The following STPG2 variants were observed in gnomAD, a reference collection of about 807,000 sequenced individuals.
The protein encoded by STPG2 is sperm tail PG-rich repeat containing 2, also known as sperm-tail PG-rich repeat-containing protein 2.
Under a neutral mutation model 54.2 loss-of-function variants are expected in STPG2, and 56 were observed. That is an observed-to-expected ratio of 1.03 (90% CI 0.83 to 1.29). The LOEUF (loss-of-function observed/expected upper bound fraction) is 1.29, where lower values mean the gene tolerates loss of function less well. STPG2 is among the 50% of genes most tolerant of loss of function. The pLI is 0.00. For synonymous variants in STPG2, 200 were observed against 181.8 expected (o/e 1.10, Z -0.81); for missense variants, 596 against 544.9 (o/e 1.09, Z -0.93).
chr4:97,818,229 G>T (rs975235157), intron 9 of STPG2, among the ~76,000 whole-genome samples: 14 of 151,846 alleles, frequency 9.2e-5, no homozygotes, highest in Non-Finnish European at 1.6e-4. Context: ...CCTATTTATA[G>T]TAGTCTGTTC....
At chr4:97,956,333 A>T (rs1560608706) in intron 7 of STPG2, among the ~76,000 whole-genome samples, 1 of 152,146 alleles carries the variant, frequency 6.6e-6, no homozygotes, top group Non-Finnish European at 1.5e-5. Context: ...AAAATATTTG[A>T]TTAATATTTT....
At chr4:97,846,623 C>CAAAAAAAAAAAAAAAAAAAAAAAAAAAAA in intron 8 of STPG2, among the ~76,000 whole-genome samples, 1 of 68,374 alleles carries the variant, frequency 1.5e-5, no homozygotes, top group Non-Finnish European at 2.9e-5. Context: ...GACTCCACCT[C>CAAAAAAAAAAAAAAAAAAAAAAAAAAAAA]AAAAAAAAAA....
chr4:97,472,523 C>CAGAT (rs1348369313), intron 4 of STPG2, among the ~76,000 whole-genome samples: 3 of 152,202 alleles, frequency 2.0e-5, no homozygotes, highest in Non-Finnish European at 2.9e-5. Flanking sequence ...AACCTGCACA[C>CAGAT]AGATGTTTAT....
At chr4:98,042,878 G>A (rs1441369828) in intron 5 of STPG2, among the ~76,000 whole-genome samples, 2 of 151,988 alleles carry the variant, frequency 1.3e-5, no homozygotes, top group Admixed American at 6.6e-5. Flanking sequence ...GATCTGTCTA[G>A]TGTTGTCAGT....
intron 4 of STPG2, among the ~76,000 whole-genome samples, chr4:97,478,427 C>T (rs1730130975): frequency 6.6e-6 from 1 of 152,074 alleles, no homozygotes; most frequent in Non-Finnish European, 1.5e-5. Flanking sequence ...AAAAGGACAG[C>T]AACTTGAAAT....
intron 5 of STPG2, among the ~76,000 whole-genome samples, chr4:98,027,364 C>T (rs1050610954): frequency 6.6e-6 from 1 of 152,112 alleles, no homozygotes; most frequent in Admixed American, 6.6e-5. Context: ...ATGCATTCAT[C>T]CCATCCTAAT....
chr4:97,870,629 T>A (rs1729949979), intron 8 of STPG2, among the ~76,000 whole-genome samples: 1 of 151,390 alleles, frequency 6.6e-6, no homozygotes, highest in African/African-American at 2.4e-5. Context: ...GATATAAAAC[T>A]ATGACTTCAT....
At chr4:97,611,513 AT>A (rs1446072868) in intron 10 of STPG2, among the ~76,000 whole-genome samples, 6 of 152,024 alleles carry the variant, frequency 3.9e-5, no homozygotes, top group African/African-American at 1.4e-4. Flanking sequence ...ATATTAAAAA[AT>A]ATATTACATT....
intron 9 of STPG2, among the ~76,000 whole-genome samples, chr4:97,800,126 A>T (rs1470977105): frequency 2.0e-5 from 3 of 152,136 alleles, no homozygotes; most frequent in Non-Finnish European, 4.4e-5. Flanking sequence ...GATGGATTTG[A>T]ACTTCCTCCT....
intron 4 of STPG2, among the ~76,000 whole-genome samples, chr4:97,476,340 T>C (rs1730070488): frequency 6.6e-6 from 1 of 152,186 alleles, no homozygotes; most frequent in African/African-American, 2.4e-5. Flanking sequence ...CAAAATTTTC[T>C]AATTTGTTAT....
intron 8 of STPG2, among the ~76,000 whole-genome samples, chr4:97,856,067 T>C (rs1005385078): frequency 7.2e-5 from 11 of 152,174 alleles, no homozygotes; most frequent in African/African-American, 2.7e-4. Flanking sequence ...TTGGTTACTG[T>C]AGCCCCGGAC....
chr4:97,452,789 C>T (rs1729410495), intron 4 of STPG2, among the ~76,000 whole-genome samples: 1 of 152,184 alleles, frequency 6.6e-6, no homozygotes, highest in South Asian at 2.1e-4. Context: ...GATGACCTGC[C>T]TGCAGAGAGG....
chr4:97,453,535 C>T (rs941440687), intron 4 of STPG2, among the ~76,000 whole-genome samples: 3 of 152,190 alleles, frequency 2.0e-5, no homozygotes, highest in Non-Finnish European at 2.9e-5. Context: ...CTCAAAGATC[C>T]TGTGACAATG....
At chr4:97,488,925 AGAT>A (rs1730437331) in intron 4 of STPG2, among the ~76,000 whole-genome samples, 1 of 151,810 alleles carries the variant, frequency 6.6e-6, no homozygotes, top group South Asian at 2.1e-4. Context: ...ATAGACAGAT[AGAT>A]GGTGACATTG....
intron 10 of STPG2, among the ~76,000 whole-genome samples, chr4:97,679,947 C>T (rs1207300926): frequency 4.0e-5 from 6 of 151,524 alleles, no homozygotes; most frequent in Non-Finnish European, 8.8e-5. Context: ...AGATATGTGG[C>T]GTTATTTCTG....
At chr4:97,711,521 C>G (rs1724119248) in intron 10 of STPG2, among the ~76,000 whole-genome samples, 1 of 152,074 alleles carries the variant, frequency 6.6e-6, no homozygotes, top group South Asian at 2.1e-4. Context: ...CTTTGCTTAA[C>G]CAGCAGGCAT....
In STPG2 at chr4:98,004,830, T is replaced by C. The variant is rs148455423; in HGVS notation, c.613-23512A>G. Among the ~76,000 whole-genome samples, 642 of 152,280 alleles carry C rather than the reference T, an allele frequency of 4.2e-3. 3 individuals are homozygous for C. The highest frequency in any genetic ancestry group is 0.024 in the South Asian group (118 of 4,828). ...TCAGGTTATTTGCCCATTTTAAAAA[T>C]CAGGTTATTTGTTTTGTTGCCATCA... On this transcript the variant is annotated intron_variant, in intron 5 of 10. Coordinates refer to ENST00000295268, the MANE Select transcript of STPG2 (RefSeq NM_174952.3).
intron 10 of STPG2, among the ~76,000 whole-genome samples, chr4:97,642,556 A>G (rs59602504): frequency 0.14 from 20,687 of 151,394 alleles, 4,107 homozygotes; most frequent in African/African-American, 0.44. Flanking sequence ...TATTTAATGC[A>G]CATTCTATCT....
rs563371817 is a variant in STPG2 at position 97,692,595 on chromosome 4, G to T, written c.1320+20104C>A. Among the ~76,000 whole-genome samples the T allele has an allele frequency of 6.6e-5, 10 of 152,212 alleles. No individual in the cohort carries two copies. In the South Asian group the frequency reaches 2.1e-3, roughly 32 times the overall value. ...TAATTGGTATTCCCGAGGAAGAAGA[G>T]AAATCTAAAAGTTTAGAAAAGATAT... On this transcript the variant is annotated intron_variant, in intron 10 of 10. Coordinates refer to ENST00000295268, the MANE Select transcript of STPG2 (RefSeq NM_174952.3).
Sources: gnomAD v4.1 joint callset for allele counts (sites outside exome capture counted in the v4.1 genomes callset) on GRCh38, gnomAD v4.1.1 for gene constraint, MANE v1.5 for transcripts, NCBI Gene and HGNC (gene_info 2026-07-23, HGNC 2026-07-21) for gene names.